Variants in RPL5 observed in about 807,000 individuals in gnomAD.
RPL5 encodes the protein large ribosomal subunit protein uL18.
A neutral mutation model predicts 38.4 loss-of-function variants in RPL5; 1 was observed. That is an observed-to-expected ratio of 0.03 (90% CI 0.01 to 0.12). RPL5 has a LOEUF of 0.12. Ranked by LOEUF, RPL5 falls within the 10% of genes least tolerant of loss-of-function variation. RPL5 has a pLI of 1.00. For synonymous variants in RPL5, 109 were observed against 121.2 expected (o/e 0.90, Z 0.66); for missense variants, 243 against 374.1 (o/e 0.65, Z 2.89).
chr1:92,833,836 A>T (rs1687011895), intron 3 of RPL5, 176 bp downstream of exon 3: 1 of 616,702 alleles, frequency 1.6e-6, no homozygotes, highest in Non-Finnish European at 2.9e-6. Flanking sequence ...TACTTTAAAA[A>T]ATGCTCTTGG....
At chr1:92,838,207 A>G (rs1178322990) in intron 6 of RPL5, among the ~76,000 whole-genome samples, 1 of 152,222 alleles carries the variant, frequency 6.6e-6, no homozygotes, top group Non-Finnish European at 1.5e-5. Flanking sequence ...TAGTTGGGAA[A>G]TGACCACTTT....
chr1:92,840,429 C>T (rs1687309368), intron 6 of RPL5, 122 bp from the exon 7 acceptor site: 2 of 760,198 alleles, frequency 2.6e-6, no homozygotes, highest in Admixed American at 2.0e-5. Flanking sequence ...TGTTTACCAA[C>T]ATTGATTTAG....
chr1:92,834,679 C>T (rs1687046557), intron 3 of RPL5, 100 bp from the exon 4 acceptor site: 2 of 1,455,894 alleles, frequency 1.4e-6, no homozygotes, highest in African/African-American at 2.8e-5. Flanking sequence ...TGATGTTCAT[C>T]TGTGTCCATC....
At chr1:92,836,629 G>A (rs1206179106) in intron 5 of RPL5, 3 of 527,948 alleles carry the variant, frequency 5.7e-6, no homozygotes, top group Non-Finnish European at 1.0e-5. Flanking sequence ...TATTGAAAGA[G>A]ATGGGATTGA....
At chr1:92,832,153 A>G (rs761739588) in intron 1 of RPL5, 36 bp downstream of exon 1, 34 of 1,613,554 alleles carry the variant, frequency 2.1e-5, no homozygotes, top group African/African-American at 1.2e-4. Flanking sequence ...CTTTAGATGC[A>G]TGGAGGTTCC....
chr1:92,836,498 C>T, intron 5 of RPL5, 106 bp downstream of exon 5: 1 of 990,686 alleles, frequency 1.0e-6, no homozygotes, highest in Non-Finnish European at 1.6e-6. Context: ...CAATTGAATG[C>T]CTGCTGTATG....
chr1:92,833,401 G>C lies in RPL5; in HGVS notation c.16G>C (p.Val6Leu), dbSNP rs749504844. The stretch of plus-strand genomic sequence containing the variant: ...TTTTTTCTTTAAGGGGTTTGTTAAA[G>C]TTGTTAAGAATAAGGCCTACTTTAA... MGFVK[V>L]VKNKAYFKRY... Residue 6 changes from valine to leucine, a missense_variant, in exon 2 of 8, where the codon GTT becomes CTT. Physicochemically the swap from Val to Leu is conservative, Grantham distance 32 (BLOSUM62 1). Transcript: ENST00000370321. 1 of 1,613,218 alleles carries C rather than the reference G, an allele frequency of 6.2e-7. No individual in the cohort carries two copies. Among genetic ancestry groups the C allele is most frequent in the Admixed American group, 1.7e-5 (1 of 60,026 alleles).
At chr1:92,834,126 GAAGT>G (rs947364414) in intron 3 of RPL5, among the ~76,000 whole-genome samples, 6 of 152,164 alleles carry the variant, frequency 3.9e-5, no homozygotes, top group African/African-American at 9.7e-5. Flanking sequence ...GGGGAGATTA[GAAGT>G]AAGTAAGAAG....
At chr1:92,837,737 C>A in intron 6 of RPL5, 104 bp downstream of exon 6, 2 of 887,290 alleles carry the variant, frequency 2.3e-6, no homozygotes, top group Non-Finnish European at 3.7e-6. Flanking sequence ...TGTTTCTTGA[C>A]AACATGAGCT....
chr1:92,837,574 G>A lies in RPL5; in HGVS notation c.646G>A (p.Glu216Lys). ...DYMRYLMEED[E>K]DAYKKQFSQY... ...CATGCGCTACTTAATGGAAGAAGATGAAGATGCTTACAAGAAACAGTTCTC... is the reference window on the plus strand; with the variant it reads ...CATGCGCTACTTAATGGAAGAAGATAAAGATGCTTACAAGAAACAGTTCTC... The change falls in exon 6 of 8, where the codon GAA (glutamate) becomes AAA (lysine). Residue 216 changes from glutamate (E) to lysine (K), a missense_variant. Glu to Lys is a moderately conservative substitution (Grantham distance 56). Transcript: ENST00000370321. 1 of 1,612,084 alleles carries A rather than the reference G, an allele frequency of 6.2e-7. No homozygotes were observed. The highest frequency in any genetic ancestry group is 8.5e-7 in the Non-Finnish European group (1 of 1,179,794).
At chr1:92,840,769 C>A in intron 7 of RPL5, 130 bp downstream of exon 7, 1 of 774,946 alleles carries the variant, frequency 1.3e-6, no homozygotes, top group African/African-American at 1.7e-5. Context: ...CGAAGGGAAC[C>A]AGGTTTGCAA....
intron 1 of RPL5, chr1:92,833,092 CAAT>C (rs1353666684): frequency 2.1e-5 from 15 of 706,884 alleles, no homozygotes; most frequent in Admixed American, 4.0e-5. Flanking sequence ...AGCAATATAA[CAAT>C]AATTTTATAC....
At chr1:92,836,626 A>G in intron 5 of RPL5, 1 of 536,570 alleles carries the variant, frequency 1.9e-6, no homozygotes. Context: ...AGTTATTGAA[A>G]GAGATGGGAT....
At chr1:92,838,956 A>G (rs562619497) in intron 6 of RPL5, among the ~76,000 whole-genome samples, 11 of 152,034 alleles carry the variant, frequency 7.2e-5, no homozygotes, top group Non-Finnish European at 1.2e-4. Flanking sequence ...CATTGATTGA[A>G]TAATTTTAGA....
chr1:92,832,033 C>G (rs937099898), upstream of RPL5: 5 of 1,598,440 alleles, frequency 3.1e-6, no homozygotes, highest in Admixed American at 1.7e-5. Flanking sequence ...TGCGCAAGGG[C>G]TGTGGCCCTT....
In RPL5 at chr1:92,833,672, T is replaced by C. The variant is rs781245464; in HGVS notation, c.189+12T>C. 1.1e-5 allele frequency: 17 copies of C among 1,593,170 alleles called. 2 individuals carry two copies. The South Asian group carries it at 1.9e-4, about 18-fold the overall frequency. On this transcript the variant is annotated intron_variant, in intron 3 of 7. Coordinates refer to ENST00000370321, the MANE Select transcript of RPL5 (RefSeq NM_000969.5). ...ATATCATTTGTCAGGTAAGTTGTATTCTAGACAGTCCCCTTTTTTTATTGC... is the reference window on the plus strand; with the variant it reads ...ATATCATTTGTCAGGTAAGTTGTATCCTAGACAGTCCCCTTTTTTTATTGC...
At chr1:92,833,200 A>G (rs1686980139) in intron 1 of RPL5, 189 bp from the exon 2 acceptor site, 1 of 651,474 alleles carries the variant, frequency 1.5e-6, no homozygotes, top group Non-Finnish European at 2.8e-6. Flanking sequence ...TGAAACTACT[A>G]GTCTGTGACA....
intron 6 of RPL5, among the ~76,000 whole-genome samples, chr1:92,838,660 A>G (rs928944624): frequency 1.3e-5 from 2 of 152,204 alleles, no homozygotes; most frequent in African/African-American, 4.8e-5. Flanking sequence ...TGTGTCTCCA[A>G]CAGGAGGTGG....
intron 6 of RPL5, chr1:92,840,159 AT>A (rs1254805136): frequency 3.9e-6 from 1 of 256,574 alleles, no homozygotes; most frequent in African/African-American, 2.3e-5. Flanking sequence ...GCATGCCACC[AT>A]TAATAATTGC....
Sources: gnomAD v4.1 joint callset for allele counts (sites outside exome capture counted in the v4.1 genomes callset) on GRCh38, gnomAD v4.1.1 for gene constraint, MANE v1.5 for transcripts, NCBI Gene and HGNC (gene_info 2026-07-23, HGNC 2026-07-21) for gene names.